The following SPMIP2 variants were observed in gnomAD, a reference collection of about 807,000 sequenced individuals.
SPMIP2 encodes the protein protein SPMIP2.
the SPMIP2 span, among the ~76,000 whole-genome samples, chr4:159,036,416 A>C: frequency 6.6e-6 from 1 of 152,132 alleles, no homozygotes. Flanking sequence ...TTTCCAGGGG[A>C]GCCTATGTCA....
chr4:159,001,256 CT>C, the SPMIP2 span, among the ~76,000 whole-genome samples: 8,735 of 152,188 alleles, frequency 0.057, 341 homozygotes, highest in East Asian at 0.18. Flanking sequence ...TGTAGAGGAC[CT>C]TTTGCTTATT....
the SPMIP2 span, among the ~76,000 whole-genome samples, chr4:159,011,884 AC>A: frequency 6.6e-6 from 1 of 151,934 alleles, no homozygotes; most frequent in African/African-American, 2.4e-5. Flanking sequence ...ACATGGTGAA[AC>A]CCCGTCTCTA....
At chr4:159,048,231 G>C in the SPMIP2 span, among the ~76,000 whole-genome samples, 14 of 152,184 alleles carry the variant, frequency 9.2e-5, no homozygotes, top group African/African-American at 2.4e-4. Context: ...AGCACAAAAG[G>C]GGGTGGGGTA....
At chr4:159,032,840 C>T in the SPMIP2 span, among the ~76,000 whole-genome samples, 1,536 of 145,524 alleles carry the variant, frequency 0.011, 13 homozygotes, top group Non-Finnish European at 0.016. Flanking sequence ...CTGACAAGGA[C>T]ACAAAGCAAC....
the SPMIP2 span, among the ~76,000 whole-genome samples, chr4:158,969,573 C>T: frequency 2.0e-5 from 3 of 152,216 alleles, no homozygotes; most frequent in East Asian, 1.9e-4. Context: ...ACCTCCGCAA[C>T]GTGGGGGAAG....
chr4:159,035,178 C>T, the SPMIP2 span: 1 of 1,144,190 alleles, frequency 8.7e-7, no homozygotes, highest in East Asian at 2.4e-5. Flanking sequence ...GAACGAAAGA[C>T]TCTGCAGTCT....
the SPMIP2 span, among the ~76,000 whole-genome samples, chr4:159,048,731 CTTTTTTTTTTTT>C: frequency 9.0e-6 from 1 of 111,470 alleles, no homozygotes; most frequent in Admixed American, 9.8e-5. Flanking sequence ...TCCCCTTCCA[CTTTTTTTTTTTT>C]TTTTTTTTTT....
chr4:159,062,697 G>GTCTC, the SPMIP2 span, among the ~76,000 whole-genome samples: 90 of 95,150 alleles, frequency 9.5e-4, 6 homozygotes, highest in South Asian at 3.6e-3. Context: ...TTGAAACAGG[G>GTCTC]TCTCTCTCTC....
At chr4:158,910,949 G>T in the SPMIP2 span, among the ~76,000 whole-genome samples, 1 of 152,178 alleles carries the variant, frequency 6.6e-6, no homozygotes, top group Non-Finnish European at 1.5e-5. Flanking sequence ...ATACTTAGGA[G>T]ATCAGTCCAA....
the SPMIP2 span, among the ~76,000 whole-genome samples, chr4:158,908,593 G>A: frequency 6.6e-6 from 1 of 152,150 alleles, no homozygotes; most frequent in Non-Finnish European, 1.5e-5. Context: ...TGGTAGCTAT[G>A]GTACCCATGG....
At chr4:159,028,987 C>G in the SPMIP2 span, among the ~76,000 whole-genome samples, 4 of 152,064 alleles carry the variant, frequency 2.6e-5, no homozygotes, top group Non-Finnish European at 5.9e-5. Context: ...CTCAGCTACT[C>G]GAGAGGCTAA....
the SPMIP2 span, among the ~76,000 whole-genome samples, chr4:158,954,867 C>A: frequency 3.3e-5 from 5 of 152,242 alleles, no homozygotes; most frequent in African/African-American, 1.2e-4. Flanking sequence ...AAACAAAAGC[C>A]CTGCCAATTC....
chr4:158,925,751 C>T, the SPMIP2 span, among the ~76,000 whole-genome samples: 11 of 152,222 alleles, frequency 7.2e-5, no homozygotes, highest in East Asian at 1.9e-4. Context: ...ACGGGTTACA[C>T]GTCTACAGCC....
chr4:158,988,541 T>C, the SPMIP2 span, among the ~76,000 whole-genome samples: 33 of 152,220 alleles, frequency 2.2e-4, no homozygotes, highest in East Asian at 6.4e-3. Context: ...TCATCCACCA[T>C]GATCAAGTTG....
chr4:159,017,356 T>TATACAC, the SPMIP2 span, among the ~76,000 whole-genome samples: 4 of 149,318 alleles, frequency 2.7e-5, no homozygotes, highest in Non-Finnish European at 5.9e-5. Flanking sequence ...CACAAACACA[T>TATACAC]ACACACACAC....
chr4:158,919,225 T>G, the SPMIP2 span, among the ~76,000 whole-genome samples: 1 of 152,040 alleles, frequency 6.6e-6, no homozygotes, highest in Non-Finnish European at 1.5e-5. Flanking sequence ...ATGGGAAAAT[T>G]AACGTTTTTA....
chr4:159,045,273 TTTAA>T, the SPMIP2 span, among the ~76,000 whole-genome samples: 5 of 152,318 alleles, frequency 3.3e-5, no homozygotes, highest in South Asian at 1.0e-3. Flanking sequence ...CTATAAAAAG[TTTAA>T]TTACTCAAGG....
chr4:158,948,465 G>A, the SPMIP2 span, among the ~76,000 whole-genome samples: 1 of 152,018 alleles, frequency 6.6e-6, no homozygotes, highest in Admixed American at 6.5e-5. Context: ...GTCCAGCATT[G>A]TGTCAAGAAG....
the SPMIP2 span, chr4:158,909,365 C>G: frequency 2.0e-5 from 3 of 146,482 alleles, no homozygotes; most frequent in Non-Finnish European, 4.5e-5. Flanking sequence ...TTTTTTTTTT[C>G]CTTTTCGTGC....
Sources: allele counts gnomAD v4.1 joint callset (sites outside exome capture counted in the v4.1 genomes callset), GRCh38; gene constraint gnomAD v4.1.1; transcripts MANE v1.5; gene names NCBI Gene and HGNC (gene_info 2026-07-23, HGNC 2026-07-21).